EHD3: variants seen among roughly 807,000 people sequenced by gnomAD.
EHD3 encodes the protein EH domain-containing protein 3.
EHD3 carries 17 observed loss-of-function variants against 43.0 expected under a neutral mutation model. That is an observed-to-expected ratio of 0.40 (90% CI 0.27 to 0.59). The LOEUF is 0.59. Among genes scored for constraint, EHD3 ranks in the 20% least tolerant of loss-of-function variants. The pLI is 0.49. For missense variants in EHD3, 594 were observed against 705.6 expected, an observed-to-expected ratio of 0.84 and a Z score of 1.79; for synonymous variants, 313 against 289.5, an observed-to-expected ratio of 1.08 and a Z score of -0.82.
At chr2:31,237,446 C>T (rs1683343737) in intron 1 of EHD3, among the ~76,000 whole-genome samples, 1 of 151,974 alleles carries the variant, frequency 6.6e-6, no homozygotes, top group Non-Finnish European at 1.5e-5. Context: ...ACTGTGTCAC[C>T]CAGGCTGGAG....
intron 3 of EHD3, among the ~76,000 whole-genome samples, chr2:31,258,977 A>G (rs1009683624): frequency 1.3e-5 from 2 of 152,168 alleles, no homozygotes; most frequent in African/African-American, 4.8e-5. Context: ...AGTCTGACTC[A>G]CTCACAAGGC....
At chr2:31,264,270 A>G (rs536146159) in intron 5 of EHD3, among the ~76,000 whole-genome samples, 1 of 152,318 alleles carries the variant, frequency 6.6e-6, no homozygotes, top group South Asian at 2.1e-4. Context: ...GTATCTAAAC[A>G]TAGAAATGGT....
At chr2:31,265,689 G>A (rs893513418) in intron 5 of EHD3, among the ~76,000 whole-genome samples, 16 of 152,148 alleles carry the variant, frequency 1.1e-4, no homozygotes, top group African/African-American at 3.4e-4. Flanking sequence ...TCAGAAGGGC[G>A]CTGGGGGAGT....
At chr2:31,265,137 G>A (rs1439314716) in intron 5 of EHD3, among the ~76,000 whole-genome samples, 1 of 151,930 alleles carries the variant, frequency 6.6e-6, no homozygotes. Flanking sequence ...GCCTTCTTCT[G>A]GAATTCCTCC....
intron 5 of EHD3, among the ~76,000 whole-genome samples, chr2:31,263,642 C>T (rs1683893652): frequency 6.6e-6 from 1 of 152,156 alleles, no homozygotes. Context: ...TCCAGGAGTC[C>T]TTCAGCCCTA....
intron 1 of EHD3, 119 bp from the exon 2 acceptor site, chr2:31,244,155 A>G (rs1270283856): frequency 2.2e-6 from 2 of 904,616 alleles, no homozygotes; most frequent in East Asian, 5.3e-5. Flanking sequence ...CGGCCATGAG[A>G]TCTTGCTGCG....
chr2:31,264,786 G>C (rs1479321380), intron 5 of EHD3, among the ~76,000 whole-genome samples: 1 of 152,002 alleles, frequency 6.6e-6, no homozygotes, highest in East Asian at 1.9e-4. Context: ...GCCTGCCTCA[G>C]CCTCCCAAAG....
rs758741628 is a variant in EHD3 at position 31,234,658 on chromosome 2, A to G, written c.37A>G (p.Lys13Glu). 6 of 1,613,976 alleles carry G rather than the reference A, an allele frequency of 3.7e-6. No homozygotes were observed. Among genetic ancestry groups the G allele is most frequent in the Admixed American group, 1.7e-5 (1 of 60,006 alleles). ...GCTGGGTACGGACGACCGCCGGAGGAAGGACCCCGAGGTTTTCCAGACGGT... is the reference window on the plus strand; with the variant it reads ...GCTGGGTACGGACGACCGCCGGAGGGAGGACCCCGAGGTTTTCCAGACGGT... ...SWLGTDDRRR[K>E]DPEVFQTVSE... is the part of the protein sequence containing the mutation. The change falls in exon 1 of 6, where the codon AAG becomes GAG. Residue 13 changes from lysine (K) to glutamate (E), a missense_variant. Coordinates refer to ENST00000322054, the MANE Select transcript of EHD3 (RefSeq NM_014600.3).
At position 31,265,157 on chromosome 2, in the gene EHD3, T is replaced by G. The variant is rs372990142; in HGVS notation, c.1081-1020T>G. ...CTTCTGGAATTCCTCCTGAAGGGCC[T>G]GCCTGAGGTTGTTTTACTGTTAACA... On this transcript the variant is annotated intron_variant, in intron 5 of 5. Coordinates refer to ENST00000322054, the MANE Select transcript of EHD3 (RefSeq NM_014600.3). Among the ~76,000 whole-genome samples, 8 of 152,328 alleles carry G rather than the reference T, an allele frequency of 5.3e-5. No homozygotes were observed. In the East Asian group the frequency reaches 9.6e-4, roughly 18 times the overall value.
intron 1 of EHD3, among the ~76,000 whole-genome samples, chr2:31,236,145 G>A (rs1267253490): frequency 6.6e-6 from 1 of 152,174 alleles, no homozygotes; most frequent in Non-Finnish European, 1.5e-5. Context: ...CATCCACCTT[G>A]TAACGCCAGC....
At chr2:31,240,772 G>A (rs768302611) in intron 1 of EHD3, among the ~76,000 whole-genome samples, 1 of 152,148 alleles carries the variant, frequency 6.6e-6, no homozygotes. Flanking sequence ...TGTTCATTCT[G>A]GGCATTTTTG....
At position 31,261,773 on chromosome 2, in the gene EHD3, C is replaced by T. The variant is rs1035836455; in HGVS notation, c.1080+60C>T. 5.0e-6 allele frequency: 8 copies of T among 1,588,610 alleles called. No homozygotes were observed. In the African/African-American group the frequency reaches 8.1e-5, roughly 16 times the overall value. ...GTGTCCCGAGAGCTGGCTGAGCAGC[C>T]TGAGTATGGAGGAGGCCACTCTTGG... is the stretch of plus-strand genomic sequence containing the variant. On this transcript the variant is annotated intron_variant, in intron 5 of 5. Transcript: ENST00000322054.
rs967872901 is a variant in EHD3, at chr2:31,260,823, G to A, written c.816G>A (p.Glu272=). 6.2e-7 allele frequency: 1 copy of A among 1,614,198 alleles called. No individual in the cohort carries two copies. ...LLIPDNRKLF[E]AEEQDLFRDI... Reference sequence around the variant, plus strand: ...TCCCTGACAACCGGAAGCTCTTTGAGGCTGAGGAACAGGACCTATTCAGGG... The same window carrying A: ...TCCCTGACAACCGGAAGCTCTTTGAAGCTGAGGAACAGGACCTATTCAGGG... Residue 272 remains glutamate, a synonymous_variant, in exon 4 of 6, where the codon GAG becomes GAA. Transcript: ENST00000322054. The surrounding 1 kb of genome is among the most constrained non-coding windows in gnomAD (Gnocchi z 4.6).
At chr2:31,251,960 T>TC in intron 3 of EHD3, among the ~76,000 whole-genome samples, 2 of 152,200 alleles carry the variant, frequency 1.3e-5, no homozygotes, top group Middle Eastern at 6.8e-3. Context: ...TCAGGACTCC[T>TC]CCAGGAAGGC....
At position 31,234,933 on chromosome 2, in the gene EHD3, G is replaced by A; in HGVS notation, c.227+85G>A. The A allele has an allele frequency of 3.9e-6, 5 of 1,282,812 alleles. No individual in the cohort carries two copies. In the South Asian group the frequency reaches 5.1e-5, roughly 13 times the overall value. The allele number at this position is 1,282,812 out of a possible 1,614,324, so 79.5% of individuals were successfully genotyped here. On this transcript the variant is annotated intron_variant, in intron 1 of 5. Transcript: ENST00000322054. Reference sequence around the variant, plus strand: ...CACTCCTGGTGCTCCATCCCAGACAGGGGACCAATGGGAAGCCTTCAGTTG... The same window carrying A: ...CACTCCTGGTGCTCCATCCCAGACAAGGGACCAATGGGAAGCCTTCAGTTG...
chr2:31,250,499 C>T (rs1326328762), intron 3 of EHD3, among the ~76,000 whole-genome samples: 1 of 152,166 alleles, frequency 6.6e-6, no homozygotes, highest in Non-Finnish European at 1.5e-5. Context: ...ATCTCCTGAC[C>T]TCGTAATCCA....
At chr2:31,250,531 G>A (rs966919848) in intron 3 of EHD3, among the ~76,000 whole-genome samples, 5 of 152,256 alleles carry the variant, frequency 3.3e-5, no homozygotes, top group African/African-American at 9.6e-5. Context: ...CTCCCAAAGT[G>A]TTGGGGATTA....
chr2:31,258,774 T>C (rs622107), intron 3 of EHD3, among the ~76,000 whole-genome samples: 18,623 of 152,252 alleles, frequency 0.12, 1,262 homozygotes, highest in African/African-American at 0.14. Flanking sequence ...TATGGGCCAG[T>C]GGTATTCAAA....
intron 3 of EHD3, among the ~76,000 whole-genome samples, chr2:31,258,908 G>GT (rs35161239): frequency 0.32 from 49,131 of 152,006 alleles, 9,010 homozygotes; most frequent in African/African-American, 0.49. Context: ...AAGAAGCCCT[G>GT]GGGGGATTCT....
Sources: allele counts gnomAD v4.1 joint callset (sites outside exome capture counted in the v4.1 genomes callset), GRCh38; gene constraint gnomAD v4.1.1; non-coding constraint Gnocchi (gnomAD v3.1); transcripts MANE v1.5; gene names NCBI Gene and HGNC (gene_info 2026-07-23, HGNC 2026-07-21).